CACNG4: variants seen among roughly 807,000 people sequenced by gnomAD.
CACNG4 encodes the protein calcium voltage-gated channel auxiliary subunit gamma 4.
CACNG4 carries 8 observed loss-of-function variants against 22.9 expected under a neutral mutation model. The ratio of observed to expected loss-of-function variants is 0.35; its 90% CI spans 0.21 to 0.63. The LOEUF is 0.63. CACNG4 is among the 30% of genes least tolerant of loss of function. CACNG4 has a pLI of 0.72. For synonymous variants in CACNG4, 188 were observed against 191.9 expected (o/e 0.98, Z 0.17); for missense variants, 357 against 455.4 (o/e 0.78, Z 1.97).
At chr17:67,001,751 G>T (rs2035409180) in intron 1 of CACNG4, among the ~76,000 whole-genome samples, 1 of 152,214 alleles carries the variant, frequency 6.6e-6, no homozygotes, top group Non-Finnish European at 1.5e-5. Flanking sequence ...CCCTCATGGG[G>T]GAGACGAACT....
chr17:66,994,932 G>A (rs934042809), intron 1 of CACNG4, among the ~76,000 whole-genome samples: 7 of 152,240 alleles, frequency 4.6e-5, no homozygotes, highest in African/African-American at 4.8e-5. Flanking sequence ...TTGAATATCC[G>A]GAAATCTATG....
chr17:67,026,157 AGT>A (rs2035564352), intron 3 of CACNG4, among the ~76,000 whole-genome samples: 1 of 113,976 alleles, frequency 8.8e-6, no homozygotes, highest in Non-Finnish European at 1.8e-5. Flanking sequence ...GTGTGTGAGG[AGT>A]GTGGTGTGTT....
At position 66,965,791 on chromosome 17, in the gene CACNG4, C is replaced by T. The variant is rs116912960; in HGVS notation, c.220+660C>T. Among the ~76,000 whole-genome samples the T allele has an allele frequency of 3.3e-3, 507 of 151,984 alleles. 7 individuals are homozygous for T. The East Asian group carries it at 0.066, about 20-fold the overall frequency. ...AGCGGATCTAGGGTAGCTGGGTAGG[C>T]CCAGCCCGACGCCCGCCTCGTCTCC... On this transcript the variant is annotated intron_variant, in intron 1 of 3. Transcript: ENST00000262138.
At chr17:66,969,922 G>A (rs1409826021) in intron 1 of CACNG4, among the ~76,000 whole-genome samples, 1 of 152,102 alleles carries the variant, frequency 6.6e-6, no homozygotes, top group Non-Finnish European at 1.5e-5. Context: ...TAACCCAGAG[G>A]CAGCCTGTCC....
chr17:67,000,863 C>T (rs886347517), intron 1 of CACNG4, among the ~76,000 whole-genome samples: 3 of 152,142 alleles, frequency 2.0e-5, no homozygotes, highest in Non-Finnish European at 2.9e-5. Flanking sequence ...TTCTGACTGG[C>T]CTCCCTGCCT....
rs372671196 is a variant in CACNG4 at position 67,030,446 on chromosome 17, G to A, written c.446-20G>A. ...CTCTCCCTCCCTGGCCCCGCTCCCC[G>A]CTCCCCGCTTCCCTTTCAGGCCTCA... is the stretch of plus-strand genomic sequence containing the variant. On this transcript the variant is annotated intron_variant, in intron 3 of 3. Transcript: ENST00000262138. This position sits in a 1 kb window ranked among gnomAD's most constrained non-coding sequence, Gnocchi z 6.4. The A allele has an allele frequency of 3.5e-5, 56 of 1,609,030 alleles. No homozygotes were observed. The highest frequency in any genetic ancestry group is 1.7e-4 in the African/African-American group (13 of 74,822).
At position 67,015,816 on chromosome 17, in the gene CACNG4, A is replaced by C. The variant is rs576810846; in HGVS notation, c.221-2373A>C. The stretch of plus-strand genomic sequence containing the variant: ...TTTGCTTAGACCTATGAAGTAGCCC[A>C]AAAAAAGGTGTGTGGGGAAGGGGAG... On this transcript the variant is annotated intron_variant, in intron 1 of 3. Coordinates refer to ENST00000262138, the MANE Select transcript of CACNG4 (RefSeq NM_014405.4). Among the ~76,000 whole-genome samples the C allele has an allele frequency of 3.9e-5, 6 of 152,212 alleles. No homozygotes were observed. The East Asian group carries it at 1.2e-3, about 29-fold the overall frequency.
intron 3 of CACNG4, 149 bp downstream of exon 3, chr17:67,025,149 T>A: frequency 1.4e-6 from 1 of 709,404 alleles, no homozygotes; most frequent in African/African-American, 1.8e-5. Flanking sequence ...AAAGTCCCAA[T>A]GTTCAGGACT....
intron 3 of CACNG4, among the ~76,000 whole-genome samples, chr17:67,025,942 C>G (rs1011198397): frequency 6.6e-6 from 1 of 152,216 alleles, no homozygotes; most frequent in Non-Finnish European, 1.5e-5. Flanking sequence ...TTCCTTCCAG[C>G]GCAATAAATA....
At chr17:66,985,922 A>C (rs186543164) in intron 1 of CACNG4, among the ~76,000 whole-genome samples, 1 of 152,006 alleles carries the variant, frequency 6.6e-6, no homozygotes, top group Non-Finnish European at 1.5e-5. Context: ...AGGAAGATGA[A>C]CACAAGTTTG....
chr17:66,989,459 G>T (rs1400518303), intron 1 of CACNG4, among the ~76,000 whole-genome samples: 1 of 151,468 alleles, frequency 6.6e-6, no homozygotes, highest in Non-Finnish European at 1.5e-5. Context: ...GAAAAGCATG[G>T]GGCAGATCCT....
intron 1 of CACNG4, among the ~76,000 whole-genome samples, chr17:67,015,876 C>G (rs1377812234): frequency 6.6e-6 from 1 of 152,198 alleles, no homozygotes; most frequent in Non-Finnish European, 1.5e-5. Flanking sequence ...CCACCCACAG[C>G]TGGCAAAATG....
chr17:67,010,700 A>C (rs1342891189), intron 1 of CACNG4, among the ~76,000 whole-genome samples: 2 of 152,140 alleles, frequency 1.3e-5, no homozygotes, highest in African/African-American at 4.8e-5. Flanking sequence ...ATGAAGTCCC[A>C]GGCAGGTCAT....
At chr17:66,982,102 T>G (rs1352554545) in intron 1 of CACNG4, among the ~76,000 whole-genome samples, 2 of 152,062 alleles carry the variant, frequency 1.3e-5, no homozygotes, top group Non-Finnish European at 2.9e-5. Context: ...CTCTTAAAGG[T>G]GGCACGGACC....
rs573358154 is a variant in CACNG4, at chr17:66,966,498, G to A, written c.220+1367G>A. On this transcript the variant is annotated intron_variant, in intron 1 of 3. Coordinates refer to ENST00000262138, the MANE Select transcript of CACNG4 (RefSeq NM_014405.4). ...CAGCCGCGGTTGTTTCTTGGTGGAG[G>A]TTGGCAAGGAGCTCTTAAAACCATA... is the stretch of plus-strand genomic sequence containing the variant. 9.2e-5 allele frequency among the ~76,000 whole-genome samples: 14 copies of A among 152,240 alleles called. No individual in the cohort carries two copies. The South Asian group carries it at 1.0e-3, about 11-fold the overall frequency.
chr17:67,009,684 G>A (rs180734732), intron 1 of CACNG4, among the ~76,000 whole-genome samples: 2 of 152,288 alleles, frequency 1.3e-5, no homozygotes, highest in Admixed American at 1.3e-4. Flanking sequence ...AGATCAAGGC[G>A]CCAGCAGATT....
At chr17:67,024,508 T>C (rs2035551246) in intron 2 of CACNG4, among the ~76,000 whole-genome samples, 1 of 152,224 alleles carries the variant, frequency 6.6e-6, no homozygotes, top group Admixed American at 6.5e-5. Flanking sequence ...ACTGCGTTCA[T>C]GCAAGGGCTT....
At chr17:67,004,952 G>A (rs530398117) in intron 1 of CACNG4, among the ~76,000 whole-genome samples, 3 of 152,126 alleles carry the variant, frequency 2.0e-5, no homozygotes, top group South Asian at 2.1e-4. Context: ...TCAAACTCCT[G>A]GGCTCAAGCA....
intron 1 of CACNG4, among the ~76,000 whole-genome samples, chr17:67,006,030 C>A (rs954501401): frequency 1.3e-5 from 2 of 152,232 alleles, no homozygotes; most frequent in Non-Finnish European, 2.9e-5. Context: ...CACCCCTCCC[C>A]ACCTGGGAGC....
Sources: gnomAD v4.1 joint callset for allele counts (sites outside exome capture counted in the v4.1 genomes callset) on GRCh38, gnomAD v4.1.1 for gene constraint, Gnocchi (gnomAD v3.1) non-coding constraint, MANE v1.5 for transcripts, NCBI Gene and HGNC (gene_info 2026-07-23, HGNC 2026-07-21) for gene names.